The following TTN variants were observed in gnomAD, a reference collection of about 807,000 sequenced individuals.
The protein encoded by TTN is titin.
TTN carries 1,525 observed loss-of-function variants against 3,223.0 expected under a neutral mutation model. That is an observed-to-expected ratio of 0.47 (90% CI 0.45 to 0.49). The LOEUF (loss-of-function observed/expected upper bound fraction) is 0.49. TTN is among the 20% of genes least tolerant of loss of function. The pLI is 0.00. For synonymous variants in TTN, 14,094 were observed against 15,161.0 expected (o/e 0.93, Z 5.17); for missense variants, 40,786 against 43,424.0 (o/e 0.94, Z 5.40).
Position 178,698,932 on chromosome 2 carries a change from GAAA to G in TTN, c.30683-21_30683-19del, listed in dbSNP as rs752002029. ...TTTGGTAACTAAAAAAAAAAAAAAAGAAAAAAAAAGAAAAAATATTTCTGGTGT... is the reference window on the plus strand; with the variant it reads ...TTTGGTAACTAAAAAAAAAAAAAAAGAAAAAAGAAAAAATATTTCTGGTGT... On this transcript the variant is annotated intron_variant, in intron 111 of 362. Transcript: ENST00000589042. 2.2e-4 allele frequency: 243 copies of G among 1,114,828 alleles called. No homozygotes were observed. In the East Asian group the frequency reaches 6.5e-3, roughly 30 times the overall value. The allele number at this position is 1,114,828 out of a possible 1,614,324, so 69.1% of individuals were successfully genotyped here. A position where few individuals can be genotyped will look rare whatever the true frequency, so the allele number is the denominator to read the frequency against.
At position 178,698,916 on chromosome 2, in the gene TTN, T is replaced by TAAA. The variant is rs368277751; in HGVS notation, c.30683-5_30683-3dup. 6.0e-5 allele frequency: 79 copies of TAAA among 1,315,054 alleles called. No individual in the cohort carries two copies. The highest frequency in any genetic ancestry group is 8.4e-5 in the East Asian group (3 of 35,682). 81.5% of individuals were successfully genotyped at this position (1,315,054 alleles called of 1,614,324 possible). A position where few individuals can be genotyped will look rare whatever the true frequency, so the allele number is the denominator to read the frequency against. On this transcript the variant is annotated splice_polypyrimidine_tract_variant and splice_region_variant and intron_variant, in intron 111 of 362. Coordinates refer to ENST00000589042, the MANE Select transcript of TTN (RefSeq NM_001267550.2). ...CTTTCTTCACAGCCTTTTTGGTAACTAAAAAAAAAAAAAAAGAAAAAAAAA... is the reference window on the plus strand; with the variant it reads ...CTTTCTTCACAGCCTTTTTGGTAACTAAAAAAAAAAAAAAAAAAGAAAAAAAAA...
chr2:178,734,517 G>T lies in TTN; in HGVS notation c.15307C>A (p.Pro5103Thr). The T allele has an allele frequency of 6.2e-7, 1 of 1,613,430 alleles. No individual in the cohort carries two copies. The highest frequency in any genetic ancestry group is 1.1e-5 in the South Asian group (1 of 91,008). ...LLQCEVSGTG[P>T]FEISWFKDKK... ...TCTTTGAACCAGCTAATTTCAAATG[G>T]TCCAGTGCCTGAGACTTCACACTGA... Residue 5103 changes from proline to threonine, a missense_variant, in exon 52 of 363, where the codon CCA (proline) becomes ACA (threonine). Physicochemically the swap from Pro to Thr is conservative, Grantham distance 38 (BLOSUM62 -1). Coordinates refer to ENST00000589042, the MANE Select transcript of TTN (RefSeq NM_001267550.2).
chr2:178,700,224 T>C (rs773861278), intron 111 of TTN, among the ~76,000 whole-genome samples: 11 of 152,250 alleles, frequency 7.2e-5, no homozygotes, highest in Admixed American at 3.3e-4. Context: ...CTTATGTTCG[T>C]ATGAATCATA....
intron 46 of TTN, among the ~76,000 whole-genome samples, chr2:178,755,539 G>T (rs541004045): frequency 2.6e-5 from 4 of 152,222 alleles, no homozygotes; most frequent in Non-Finnish European, 5.9e-5. Context: ...GGGTTCAAGC[G>T]ATTCTCCTGG....
At position 178,731,559 on chromosome 2, in the gene TTN, A is replaced by G. The variant is rs1473469854; in HGVS notation, c.17207T>C (p.Ile5736Thr). The G allele has an allele frequency of 7.5e-6, 12 of 1,607,896 alleles. No individual in the cohort carries two copies. Among genetic ancestry groups the G allele is most frequent in the Middle Eastern group, 1.7e-4 (1 of 6,050 alleles). ...TCCCCGGAGGGAGCTGGTACTCTCG[A>G]TCTTCTTTATGAAGGATGGGGGTTC... is the stretch of plus-strand genomic sequence containing the variant. The part of the protein sequence containing the change: ...LREPPSFIKK[I>T]ESTSSLRGGT... The change falls in exon 59 of 363, where the codon ATC becomes ACC. Residue 5736 changes from isoleucine (I) to threonine (T), a missense_variant. Ile to Thr is a moderately conservative substitution (Grantham distance 89, BLOSUM62 -1). Coordinates refer to ENST00000589042, the MANE Select transcript of TTN (RefSeq NM_001267550.2).
In TTN at chr2:178,535,401, A is replaced by C. The variant is rs876657617; in HGVS notation, c.101214T>G (p.Arg33738=). 13 of 1,613,794 alleles carry C rather than the reference A, an allele frequency of 8.1e-6. No individual in the cohort carries two copies. The highest frequency in any genetic ancestry group is 1.0e-5 in the Non-Finnish European group (12 of 1,179,848). ...KCATTAERWL[R]VGQARETRYT... ...AACGTGTTTCTCGGGCCTGTCCTAC[A>C]CGGAGCCATCTTTCTGCAGTAGTTG... The change falls in exon 358 of 363, where the codon CGT becomes CGG. Residue 33738 remains arginine, a synonymous_variant. Coordinates refer to ENST00000589042, the MANE Select transcript of TTN (RefSeq NM_001267550.2).
rs769199526 is a variant in TTN at position 178,555,022 on chromosome 2, TTTATCA to T, written c.88431_88436del (p.Asp29477_Lys29479delinsGlu). Reference sequence around the variant, plus strand: ...ACACCAGTGCATTGGTTTGTAATTCTTTATCATCTTTATACCACTCAATAGTAGGCG... The same window carrying T: ...ACACCAGTGCATTGGTTTGTAATTCTTCTTTATACCACTCAATAGTAGGCG... On this transcript the variant is annotated inframe_deletion, in exon 331 of 363. Coordinates refer to ENST00000589042, the MANE Select transcript of TTN (RefSeq NM_001267550.2). 1.9e-6 allele frequency: 3 copies of T among 1,613,758 alleles called. No individual in the cohort carries two copies. In the African/African-American group the frequency reaches 4.0e-5, roughly 21 times the overall value.
chr2:178,714,381 C>T lies in TTN; in HGVS notation c.26393G>A (p.Arg8798Lys). 6.2e-7 allele frequency: 1 copy of T among 1,613,776 alleles called. No individual in the cohort carries two copies. Among genetic ancestry groups the T allele is most frequent in the Non-Finnish European group, 8.5e-7 (1 of 1,179,748 alleles). The change falls in exon 91 of 363, where the codon AGA (arginine) becomes AAA (lysine). Residue 8798 changes from arginine to lysine, a missense_variant. Physicochemically the swap from Arg to Lys is conservative, Grantham distance 26 (BLOSUM62 2). Coordinates refer to ENST00000589042, the MANE Select transcript of TTN (RefSeq NM_001267550.2). ...SENIATLQFSRVEPANAGKYT... is the reference protein window; with the variant it reads ...SENIATLQFSKVEPANAGKYT... ...TTTTCCAGCATTGGCTGGTTCCACT[C>T]TTGAAAACTGTAAGGTTGCAATGTT...
At position 178,728,769 on chromosome 2, in the gene TTN, T is replaced by G. The variant is rs1487828646; in HGVS notation, c.19157A>C (p.Gln6386Pro). Reference sequence around the variant, plus strand: ...AACTGATTTAGCTTTCTCTACGATTTGAGCTGGTTCTGTAGTAAAAATGAA... The same window carrying G: ...AACTGATTTAGCTTTCTCTACGATTGGAGCTGGTTCTGTAGTAAAAATGAA... ...YAFLLVQEPAQIVEKAKSVDV... is the reference protein window; with the variant it reads ...YAFLLVQEPAPIVEKAKSVDV... Residue 6386 changes from glutamine to proline, a missense_variant, in exon 66 of 363, where the codon CAA becomes CCA. Transcript: ENST00000589042. 4 of 1,599,562 alleles carry G rather than the reference T, an allele frequency of 2.5e-6. No individual in the cohort carries two copies. Among genetic ancestry groups the G allele is most frequent in the Non-Finnish European group, 2.6e-6 (3 of 1,168,638 alleles).
At chr2:178,708,690 C>T (rs1414431003) in intron 99 of TTN, among the ~76,000 whole-genome samples, 1 of 152,040 alleles carries the variant, frequency 6.6e-6, no homozygotes. Context: ...TGTTTTAAAA[C>T]TAAATGCATC....
chr2:178,536,183 G>C lies in TTN; in HGVS notation c.100564C>G (p.His33522Asp). ...NATLVCKVTG[H>D]PKPIVKWYRQ... ...TACCATTTGACGATAGGTTTTGGAT[G>C]ACCAGTCACTTTGCAGACCAAGGTA... Residue 33522 changes from histidine (H) to aspartate (D), a missense_variant, in exon 357 of 363, where the codon CAT becomes GAT. Transcript: ENST00000589042. 6.2e-7 allele frequency: 1 copy of C among 1,613,490 alleles called. No homozygotes were observed. Among genetic ancestry groups the C allele is most frequent in the Non-Finnish European group, 8.5e-7 (1 of 1,179,626 alleles).
chr2:178,665,615 A>C, intron 164 of TTN, 93 bp downstream of exon 164: 1 of 1,239,190 alleles, frequency 8.1e-7, no homozygotes, highest in East Asian at 2.4e-5. Flanking sequence ...CCACATATTA[A>C]TTGTCTTTGT....
At position 178,613,020 on chromosome 2, in the gene TTN, T is replaced by A; in HGVS notation, c.49701A>T (p.Ser16567=). Residue 16567 remains serine, a synonymous_variant, in exon 265 of 363, where the codon TCA becomes TCT. Coordinates refer to ENST00000589042, the MANE Select transcript of TTN (RefSeq NM_001267550.2). ...KPTVKDVGKT[S]VRLNWTKPEH... ...CTGGTTTTGTCCAATTCAACCTTAC[T>A]GATGTTTTGCCTACATCTTTTACAG... is the stretch of plus-strand genomic sequence containing the variant. 1.2e-6 allele frequency: 2 copies of A among 1,612,842 alleles called. No individual in the cohort carries two copies. The highest frequency in any genetic ancestry group is 1.7e-6 in the Non-Finnish European group (2 of 1,179,264).
At chr2:178,693,252 A>G (rs2072902169) in intron 119 of TTN, among the ~76,000 whole-genome samples, 1 of 152,150 alleles carries the variant, frequency 6.6e-6, no homozygotes, top group Admixed American at 6.6e-5. Flanking sequence ...AATTTACATA[A>G]TCTAATTTTT....
chr2:178,647,503 A>G (rs1576895082), intron 213 of TTN, 39 bp from the exon 214 acceptor site: 1 of 1,535,516 alleles, frequency 6.5e-7, no homozygotes, highest in Non-Finnish European at 8.8e-7. Context: ...AAGAATTTAG[A>G]AGACATGCAA....
At chr2:178,671,867 A>G in intron 155 of TTN, 104 bp downstream of exon 155, 1 of 1,244,218 alleles carries the variant, frequency 8.0e-7, no homozygotes, top group South Asian at 1.4e-5. Flanking sequence ...TGTTTAAAGT[A>G]TTTCATGGGG....
At chr2:178,774,896 A>C (rs765777932) in intron 29 of TTN, 25 bp downstream of exon 29, 1 of 1,613,152 alleles carries the variant, frequency 6.2e-7, no homozygotes, top group East Asian at 2.2e-5. Context: ...TTAGGTAAAC[A>C]ATGAAATCCT....
chr2:178,791,970 C>A (rs1221763558), intron 10 of TTN, 102 bp downstream of exon 10: 7 of 1,310,684 alleles, frequency 5.3e-6, no homozygotes, highest in South Asian at 5.3e-5. Flanking sequence ...AATATACAAC[C>A]AAAGACTTCT....
In TTN at chr2:178,599,196, C is replaced by T; in HGVS notation, c.56597G>A (p.Gly18866Asp). 6.6e-7 allele frequency: 1 copy of T among 1,513,628 alleles called. No homozygotes were observed. The highest frequency in any genetic ancestry group is 8.8e-7 in the Non-Finnish European group (1 of 1,135,654). The allele number at this position is 1,513,628 out of a possible 1,614,324, so 93.8% of individuals were successfully genotyped here. The change falls in exon 290 of 363, where the codon GGC becomes GAC. Residue 18866 changes from glycine to aspartate, a missense_variant. Gly to Asp is a moderately conservative substitution (Grantham distance 94, BLOSUM62 -1). Transcript: ENST00000589042. ...TTCACTGTCAAGAGGTTCTCCAATG[C>T]CATATTTATTCTGGGCCATGATTCG... Reference protein sequence around the residue: ...VFRIMAQNKYGIGEPLDSEPE... With the variant: ...VFRIMAQNKYDIGEPLDSEPE...
Sources: allele counts gnomAD v4.1 joint callset (sites outside exome capture counted in the v4.1 genomes callset), GRCh38; gene constraint gnomAD v4.1.1; transcripts MANE v1.5; gene names NCBI Gene and HGNC (gene_info 2026-07-23, HGNC 2026-07-21).